Variants in ADAM11 observed in about 807,000 individuals in gnomAD.
ADAM11 encodes disintegrin and metalloproteinase domain-containing protein 11.
Under a neutral mutation model 119.1 loss-of-function variants are expected in ADAM11, and 49 were observed. The observed-to-expected ratio is 0.41, with a 90% CI of 0.33 to 0.52. The LOEUF is 0.52. Among genes scored for constraint, ADAM11 ranks in the 20% least tolerant of loss-of-function variants. The probability of loss-of-function intolerance (pLI) is 0.20; values close to 1 mark genes in which losing one functional copy is unlikely to be tolerated. For missense variants in ADAM11, 777 were observed against 1,047.5 expected (o/e 0.74, Z 3.56); for synonymous variants, 364 against 408.0 (o/e 0.89, Z 1.30).
At chr17:44,760,302 C>G (rs192816365) in intron 2 of ADAM11, among the ~76,000 whole-genome samples, 1 of 152,336 alleles carries the variant, frequency 6.6e-6, no homozygotes, top group Middle Eastern at 3.4e-3. Flanking sequence ...GTTCTCACCA[C>G]AGCCACCTTA....
Position 44,772,507 on chromosome 17 carries a change from G to C in ADAM11, c.678+41G>C, listed in dbSNP as rs1288781741. 6.5e-7 allele frequency: 1 copy of C among 1,547,730 alleles called. No individual in the cohort carries two copies. The highest frequency in any genetic ancestry group is 1.2e-5 in the South Asian group (1 of 84,086). On this transcript the variant is annotated intron_variant, in intron 8 of 26. Coordinates refer to ENST00000200557, the MANE Select transcript of ADAM11 (RefSeq NM_002390.6). This position sits in a 1 kb window ranked among gnomAD's most constrained non-coding sequence, Gnocchi z 4.5. ...CAGACCTCGGGCTGCAGAGACCTCG[G>C]GCTGCAGAGAGACCTCAGGCCGTGG... is the stretch of plus-strand genomic sequence containing the variant.
rs2049562774 is a variant in ADAM11, at chr17:44,773,958, G to A, written c.993-337G>A. Among the ~76,000 whole-genome samples the A allele has an allele frequency of 6.6e-6, 1 of 152,192 alleles. No homozygotes were observed. The highest frequency in any genetic ancestry group is 2.4e-5 in the African/African-American group (1 of 41,452). ...ATACAAAAATTAGCCAGGCGTGGTGGTGTGCACCTGTAGTCCCAGCTACTC... is the reference window on the plus strand; with the variant it reads ...ATACAAAAATTAGCCAGGCGTGGTGATGTGCACCTGTAGTCCCAGCTACTC... On this transcript the variant is annotated intron_variant, in intron 11 of 26. Transcript: ENST00000200557. This position sits in a 1 kb window ranked among gnomAD's most constrained non-coding sequence, Gnocchi z 4.6.
chr17:44,777,855 C>A lies in ADAM11; in HGVS notation c.2062C>A (p.His688Asn). Residue 688 changes from histidine (H) to asparagine (N), a missense_variant, in exon 23 of 27, where the codon CAC becomes AAC. Physicochemically the swap from His to Asn is moderately conservative, Grantham distance 68. Coordinates refer to ENST00000200557, the MANE Select transcript of ADAM11 (RefSeq NM_002390.6). This position sits in a 1 kb window ranked among gnomAD's most constrained non-coding sequence, Gnocchi z 5.1. ...CAGTGGGGAGCGCCGGATTTGCTCC[C>A]ACCACGGGGTGACTGCCTGGAGCCT... The part of the protein sequence containing the change: ...PGSGERRICS[H>N]HGVCSNEGKC... 1 of 1,613,600 alleles carries A rather than the reference C, an allele frequency of 6.2e-7. No homozygotes were observed. The highest frequency in any genetic ancestry group is 8.5e-7 in the Non-Finnish European group (1 of 1,179,962).
At position 44,759,158 on chromosome 17, in the gene ADAM11, G is replaced by A; in HGVS notation, c.-42G>A. The A allele has an allele frequency of 2.0e-6, 2 of 976,974 alleles. No individual in the cohort carries two copies. The highest frequency in any genetic ancestry group is 1.2e-6 in the Non-Finnish European group (1 of 817,576). 60.5% of individuals were successfully genotyped at this position (976,974 alleles called of 1,614,324 possible). A position where few individuals can be genotyped will look rare whatever the true frequency, so the allele number is the denominator to read the frequency against. ...TCCCTGCTCCCGCCCTCCCCGCGCC[G>A]CTGGCAGCCGCAGCCCCCGGACCGG... On this transcript the variant is annotated 5_prime_UTR_variant, in exon 1 of 27. Transcript: ENST00000200557.
At chr17:44,778,613 C>A (rs2049639796) in intron 25 of ADAM11, among the ~76,000 whole-genome samples, 1 of 142,536 alleles carries the variant, frequency 7.0e-6, no homozygotes, top group Admixed American at 7.2e-5. Flanking sequence ...ATTGCTTGAA[C>A]CGGGGAGGTG....
chr17:44,776,854 C>T lies in ADAM11; in HGVS notation c.1618-45C>T. On this transcript the variant is annotated intron_variant, in intron 19 of 26. Transcript: ENST00000200557. The surrounding 1 kb of genome is among the most constrained non-coding windows in gnomAD (Gnocchi z 5.2). ...GGCAGTCTCTTGTCTCCACTCTGAC[C>T]ACTCAGCATCTCCATCCCTTGCCTC... 3.7e-6 allele frequency: 6 copies of T among 1,613,974 alleles called. No individual in the cohort carries two copies. The highest frequency in any genetic ancestry group is 5.1e-6 in the Non-Finnish European group (6 of 1,179,842).
chr17:44,771,983 C>T, intron 6 of ADAM11, 152 bp downstream of exon 6: 2 of 928,784 alleles, frequency 2.2e-6, no homozygotes, highest in South Asian at 1.7e-5. Context: ...GGTTCCCTCC[C>T]TCCTGTGCCC....
chr17:44,775,965 G>A lies in ADAM11; in HGVS notation c.1486-162G>A, dbSNP rs114744336. Among the ~76,000 whole-genome samples, 3,283 of 152,076 alleles carry A rather than the reference G, an allele frequency of 0.022. 82 individuals carry two copies. Among genetic ancestry groups the A allele is most frequent in the Admixed American group, 0.049 (745 of 15,280 alleles). ...GTGCGCTGGGAGCGAGGTGGGGAGCGTTCAAGAGGTGGTGGGAGCAGGGAA... is the reference window on the plus strand; with the variant it reads ...GTGCGCTGGGAGCGAGGTGGGGAGCATTCAAGAGGTGGTGGGAGCAGGGAA... On this transcript the variant is annotated intron_variant, in intron 17 of 26. Coordinates refer to ENST00000200557, the MANE Select transcript of ADAM11 (RefSeq NM_002390.6). This position sits in a 1 kb window ranked among gnomAD's most constrained non-coding sequence, Gnocchi z 7.5.
At position 44,779,893 on chromosome 17, in the gene ADAM11, T is replaced by C; in HGVS notation, c.*139T>C. 7.9e-7 allele frequency: 1 copy of C among 1,271,472 alleles called. No individual in the cohort carries two copies. The highest frequency in any genetic ancestry group is 1.1e-6 in the Non-Finnish European group (1 of 897,754). The allele number at this position is 1,271,472 out of a possible 1,614,324, so 78.8% of individuals were successfully genotyped here. ...CCTTCAACTCCTGGCTCCGCAGGGGTTTGGGTGGGGGCTGTGGCCCTGCCC... is the reference window on the plus strand; with the variant it reads ...CCTTCAACTCCTGGCTCCGCAGGGGCTTGGGTGGGGGCTGTGGCCCTGCCC... On this transcript the variant is annotated 3_prime_UTR_variant, in exon 27 of 27. Transcript: ENST00000200557.
chr17:44,778,086 A>AG lies in ADAM11; in HGVS notation c.2185+26dup. ...ATAAAGGTGAGGCTGGAGCTGGCCGAGGGGGGTCTGTCTGTCCTGCTCTCT... is the reference window on the plus strand; with the variant it reads ...ATAAAGGTGAGGCTGGAGCTGGCCGAGGGGGGGTCTGTCTGTCCTGCTCTCT... On this transcript the variant is annotated intron_variant, in intron 24 of 26. Coordinates refer to ENST00000200557, the MANE Select transcript of ADAM11 (RefSeq NM_002390.6). The AG allele has an allele frequency of 1.2e-6, 2 of 1,610,598 alleles. No homozygotes were observed. The highest frequency in any genetic ancestry group is 1.7e-6 in the Non-Finnish European group (2 of 1,177,606).
In ADAM11 at chr17:44,776,256, A is replaced by C. The variant is rs1386310354; in HGVS notation, c.1566+49A>C. On this transcript the variant is annotated intron_variant, in intron 18 of 26. Transcript: ENST00000200557. The surrounding 1 kb of genome is among the most constrained non-coding windows in gnomAD (Gnocchi z 5.2). ...TGGAGCCCTGGGCGAGGCAACCCCT[A>C]CCCTTGTCGATTTGGTTTTCCCGGA... is the stretch of plus-strand genomic sequence containing the variant. 1 of 1,600,474 alleles carries C rather than the reference A, an allele frequency of 6.2e-7. No individual in the cohort carries two copies. The highest frequency in any genetic ancestry group is 8.5e-7 in the Non-Finnish European group (1 of 1,170,430).
Position 44,774,520 on chromosome 17 carries a change from C to A in ADAM11, c.1106C>A (p.Thr369Asn). 6.2e-7 allele frequency: 1 copy of A among 1,613,420 alleles called. No homozygotes were observed. The highest frequency in any genetic ancestry group is 8.5e-7 in the Non-Finnish European group (1 of 1,179,868). The change falls in exon 13 of 27, where the codon ACC (threonine) becomes AAC (asparagine). Residue 369 changes from threonine to asparagine, a missense_variant. This residue lies in a region of ADAM11 where 147 missense variants were observed against 223.3 expected (regional missense o/e 0.66). Transcript: ENST00000200557. The stretch of plus-strand genomic sequence containing the variant: ...GGCAACATGGGGGCGATGGCCGTGA[C>A]CCTTGCCCAGACGCTGGGACAGAAC... ...EYGNMGAMAV[T>N]LAQTLGQNLG...
At chr17:44,768,392 C>G (rs2145216520) in intron 2 of ADAM11, among the ~76,000 whole-genome samples, 1 of 152,274 alleles carries the variant, frequency 6.6e-6, no homozygotes, top group East Asian at 1.9e-4. Flanking sequence ...CGTTGGTGCC[C>G]CCCTTGCTCC....
At position 44,776,672 on chromosome 17, in the gene ADAM11, G is replaced by T. The variant is rs2049605615; in HGVS notation, c.1567-73G>T. ...CCAATGGGGGGCACTTGGTACCCCA[G>T]CATTCCTCCCTGGGGCAGCCCTCAG... On this transcript the variant is annotated intron_variant, in intron 18 of 26. Coordinates refer to ENST00000200557, the MANE Select transcript of ADAM11 (RefSeq NM_002390.6). This position sits in a 1 kb window ranked among gnomAD's most constrained non-coding sequence, Gnocchi z 5.2. 6.4e-7 allele frequency: 1 copy of T among 1,566,804 alleles called. No individual in the cohort carries two copies. Among genetic ancestry groups the T allele is most frequent in the East Asian group, 2.3e-5 (1 of 43,990 alleles).
chr17:44,769,896 G>A lies in ADAM11; in HGVS notation c.315-86G>A, dbSNP rs757949868. ...GTCTGGGGGTTGGGCCTGGGCAGAG[G>A]GGACCTGGGTCCTGACCTGAGGCGA... On this transcript the variant is annotated intron_variant, in intron 3 of 26. Transcript: ENST00000200557. 2.5e-6 allele frequency: 4 copies of A among 1,605,820 alleles called. No individual in the cohort carries two copies. The South Asian group carries it at 4.4e-5, about 18-fold the overall frequency.
chr17:44,770,009 G>T lies in ADAM11; in HGVS notation c.342G>T (p.Glu114Asp). The change falls in exon 4 of 27, where the codon GAG (glutamate) becomes GAT (aspartate). Residue 114 changes from glutamate (E) to aspartate (D), a missense_variant. Glu to Asp is a conservative substitution (Grantham distance 45). Transcript: ENST00000200557. Reference protein sequence around the residue: ...NHHLLSSQYVERHFSREGTTQ... With the variant: ...NHHLLSSQYVDRHFSREGTTQ... ...ACCTCCTCTCCTCGCAATACGTGGA[G>T]CGCCACTTCAGCCGGGAGGGGACAA... 1.2e-6 allele frequency: 2 copies of T among 1,614,172 alleles called. No homozygotes were observed. Among genetic ancestry groups the T allele is most frequent in the African/African-American group, 1.3e-5 (1 of 75,068 alleles).
At chr17:44,767,600 C>T (rs1019335225) in intron 2 of ADAM11, among the ~76,000 whole-genome samples, 4 of 152,208 alleles carry the variant, frequency 2.6e-5, no homozygotes, top group African/African-American at 7.2e-5. Flanking sequence ...TTTCTCCTAC[C>T]GCCTTTGGGG....
intron 2 of ADAM11, among the ~76,000 whole-genome samples, chr17:44,767,574 G>A (rs748710768): frequency 2.7e-4 from 41 of 152,260 alleles, no homozygotes; most frequent in Non-Finnish European, 4.9e-4. Flanking sequence ...ACACCCCTTG[G>A]TATGTGGTCT....
intron 24 of ADAM11, 32 bp from the exon 25 acceptor site, chr17:44,778,120 C>T (rs956976479): frequency 1.9e-6 from 3 of 1,612,154 alleles, no homozygotes; most frequent in Non-Finnish European, 2.5e-6. Flanking sequence ...CTATGCCTGT[C>T]CTTGCCAGCT....
Sources: allele counts gnomAD v4.1 joint callset (sites outside exome capture counted in the v4.1 genomes callset), GRCh38; gene constraint gnomAD v4.1.1; regional missense constraint gnomAD v4.1.1; non-coding constraint Gnocchi (gnomAD v3.1); transcripts MANE v1.5; gene names NCBI Gene and HGNC (gene_info 2026-07-23, HGNC 2026-07-21).